The following RELN variants were observed in gnomAD, a reference collection of about 807,000 sequenced individuals.
RELN encodes the protein reelin.
Under a neutral mutation model 427.6 loss-of-function variants are expected in RELN, and 108 were observed. That is an observed-to-expected ratio of 0.25 (90% confidence interval 0.22 to 0.30). RELN has a LOEUF of 0.30. Ranked by LOEUF, RELN falls within the 10% of genes least tolerant of loss-of-function variation. The pLI is 1.00. For missense variants in RELN, 3,715 were observed against 4,302.8 expected (o/e 0.86, Z 3.82); for synonymous variants, 1,524 against 1,513.4 (o/e 1.01, Z -0.16).
intron 49 of RELN, among the ~76,000 whole-genome samples, chr7:103,518,888 G>C (rs916125770): frequency 1.3e-5 from 2 of 151,862 alleles, no homozygotes; most frequent in Non-Finnish European, 2.9e-5. Flanking sequence ...TTTAAATAAG[G>C]AGTTTAAAAA....
intron 50 of RELN, 142 bp downstream of exon 50, chr7:103,515,042 GA>G: frequency 2.9e-6 from 3 of 1,018,744 alleles, no homozygotes; most frequent in Non-Finnish European, 4.4e-6. Context: ...AGGCTGAGAG[GA>G]ACAAAAGGAT....
chr7:103,852,499 T>A (rs1793847242), intron 2 of RELN, among the ~76,000 whole-genome samples: 1 of 152,164 alleles, frequency 6.6e-6, no homozygotes. Flanking sequence ...GGTTACATAA[T>A]CAATGTATGT....
intron 1 of RELN, among the ~76,000 whole-genome samples, chr7:103,963,936 G>A (rs1796612068): frequency 6.6e-6 from 1 of 152,154 alleles, no homozygotes; most frequent in Non-Finnish European, 1.5e-5. Flanking sequence ...GTTGAAGCGA[G>A]AGGACAGCTT....
intron 6 of RELN, among the ~76,000 whole-genome samples, chr7:103,746,206 C>T (rs1209871009): frequency 6.6e-6 from 1 of 152,172 alleles, no homozygotes; most frequent in Non-Finnish European, 1.5e-5. Flanking sequence ...GGAAAACTGG[C>T]TAGCCATACA....
At chr7:103,579,492 G>A (rs1390683920) in intron 28 of RELN, among the ~76,000 whole-genome samples, 3 of 151,514 alleles carry the variant, frequency 2.0e-5, no homozygotes, top group Non-Finnish European at 4.4e-5. Flanking sequence ...CCAGCTACTC[G>A]GGAAGCTGAG....
intron 19 of RELN, among the ~76,000 whole-genome samples, chr7:103,632,613 T>G (rs1439739602): frequency 6.6e-6 from 1 of 152,150 alleles, no homozygotes; most frequent in Non-Finnish European, 1.5e-5. Flanking sequence ...CTGGTTAGAA[T>G]AGCTGTGGAA....
At position 103,575,639 on chromosome 7, in the gene RELN, A is replaced by T; in HGVS notation, c.4212T>A (p.Asp1404Glu). The change falls in exon 29 of 65, where the codon GAT (aspartate) becomes GAA (glutamate). Residue 1404 changes from aspartate (D) to glutamate (E), a missense_variant. Asp to Glu is a conservative substitution (Grantham distance 45). Transcript: ENST00000428762. ...SQKNVPPFGL[D>E]GVYISEPCPS... is the part of the protein sequence containing the mutation. ...GACAAGGCTCGGATATGTACACTCCATCTAAACCAAATGGAGGCACGTTTT... is the reference window on the plus strand; with the variant it reads ...GACAAGGCTCGGATATGTACACTCCTTCTAAACCAAATGGAGGCACGTTTT... 1 of 1,614,130 alleles carries T rather than the reference A, an allele frequency of 6.2e-7. No individual in the cohort carries two copies. The highest frequency in any genetic ancestry group is 8.5e-7 in the Non-Finnish European group (1 of 1,179,998).
intron 57 of RELN, among the ~76,000 whole-genome samples, chr7:103,494,926 A>T (rs1411894270): frequency 6.6e-6 from 1 of 152,106 alleles, no homozygotes; most frequent in Non-Finnish European, 1.5e-5. Context: ...CATAATAGGC[A>T]TGGAGTAAGA....
intron 48 of RELN, 138 bp from the exon 49 acceptor site, chr7:103,519,654 C>T: frequency 3.0e-6 from 2 of 663,920 alleles, no homozygotes; most frequent in Admixed American, 4.9e-5. Context: ...ACCATCACAG[C>T]TCACTGCAGC....
At chr7:103,921,380 A>G (rs1795614105) in intron 1 of RELN, among the ~76,000 whole-genome samples, 1 of 152,170 alleles carries the variant, frequency 6.6e-6, no homozygotes, top group South Asian at 2.1e-4. Flanking sequence ...ATGGCTTTAC[A>G]AATTTTTATG....
intron 3 of RELN, among the ~76,000 whole-genome samples, chr7:103,813,645 T>C (rs1411452022): frequency 6.6e-6 from 1 of 152,060 alleles, no homozygotes; most frequent in Non-Finnish European, 1.5e-5. Flanking sequence ...GTAAGGAAAA[T>C]TTCCAGATGA....
rs1790856136 is a variant in RELN at position 103,747,053 on chromosome 7, C to T, written c.656+2373G>A. On this transcript the variant is annotated intron_variant, in intron 6 of 64. Transcript: ENST00000428762. The stretch of plus-strand genomic sequence containing the variant: ...TGATAGATGGATTAAGAAAATGTGT[C>T]ACATATACACCATGGAATACTATGC... Among the ~76,000 whole-genome samples, 3 of 152,118 alleles carry T rather than the reference C, an allele frequency of 2.0e-5. No individual in the cohort carries two copies. The South Asian group carries it at 6.2e-4, about 32-fold the overall frequency.
chr7:103,742,836 C>G (rs1790703700), intron 6 of RELN, among the ~76,000 whole-genome samples: 1 of 152,200 alleles, frequency 6.6e-6, no homozygotes, highest in African/African-American at 2.4e-5. Context: ...GGAAAACACT[C>G]TGCAGGATAT....
Position 103,911,554 on chromosome 7 carries a change from C to T in RELN, c.337+5521G>A, listed in dbSNP as rs1249869495. On this transcript the variant is annotated intron_variant, in intron 2 of 64. Transcript: ENST00000428762. ...ATGCTGCTATAAAGACACATGCACACGTATGTTTATTGCGGCATTATTCAC... is the reference window on the plus strand; with the variant it reads ...ATGCTGCTATAAAGACACATGCACATGTATGTTTATTGCGGCATTATTCAC... 6.3e-4 allele frequency among the ~76,000 whole-genome samples: 95 copies of T among 150,036 alleles called. No homozygotes were observed. The Middle Eastern group carries it at 0.014, about 22-fold the overall frequency.
Position 103,759,990 on chromosome 7 carries a change from CTTTTTTTTTTTTTT to C in RELN, c.545-6790_545-6777del, listed in dbSNP as rs57019839. On this transcript the variant is annotated intron_variant, in intron 4 of 64. Transcript: ENST00000428762. The stretch of plus-strand genomic sequence containing the variant: ...TCGGTCATTGGTGCTCACAGTCATA[CTTTTTTTTTTTTTT>C]TTTTTTTTTTTTTTTTTTACATCTT... Among the ~76,000 whole-genome samples, 346 of 64,956 alleles carry C rather than the reference CTTTTTTTTTTTTTT, an allele frequency of 5.3e-3. 5 individuals carry two copies. The South Asian group carries it at 0.08, about 15-fold the overall frequency. The allele number at this position is 64,956 out of a possible 152,430, so 42.6% of individuals were successfully genotyped here.
rs1421203685 is a variant in RELN at position 103,661,547 on chromosome 7, AAGAGTT to A, written c.1290-26_1290-21del. ...TCCCATCTAAAAAAAAAGGGGGATTAAGAGTTAGAGTTAGAATATTAAGCCAAATCT... is the reference window on the plus strand; with the variant it reads ...TCCCATCTAAAAAAAAAGGGGGATTAAGAGTTAGAATATTAAGCCAAATCT... On this transcript the variant is annotated intron_variant, in intron 11 of 64. Transcript: ENST00000428762. 3.1e-6 allele frequency: 5 copies of A among 1,611,702 alleles called. No homozygotes were observed. Among genetic ancestry groups the A allele is most frequent in the African/African-American group, 2.7e-5 (2 of 74,888 alleles).
chr7:103,713,575 G>C (rs1309484510), intron 8 of RELN, among the ~76,000 whole-genome samples: 1 of 151,916 alleles, frequency 6.6e-6, no homozygotes, highest in Non-Finnish European at 1.5e-5. Context: ...TCAAGAAACA[G>C]GCTTGCCTCA....
At chr7:103,970,913 T>G (rs73183793) in intron 1 of RELN, among the ~76,000 whole-genome samples, 1 of 151,960 alleles carries the variant, frequency 6.6e-6, no homozygotes, top group Admixed American at 6.6e-5. Flanking sequence ...CCCAGCACTT[T>G]GGGAAGTTGA....
chr7:103,525,552 A>C (rs997911702), intron 46 of RELN, among the ~76,000 whole-genome samples: 9 of 152,162 alleles, frequency 5.9e-5, no homozygotes, highest in Non-Finnish European at 1.2e-4. Context: ...TTTGCTGATA[A>C]ATTATTTTTA....
Sources: gnomAD v4.1 joint callset for allele counts (sites outside exome capture counted in the v4.1 genomes callset) on GRCh38, gnomAD v4.1.1 for gene constraint, MANE v1.5 for transcripts, NCBI Gene and HGNC (gene_info 2026-07-23, HGNC 2026-07-21) for gene names.